Variants in GRB14 observed in about 807,000 individuals in gnomAD.
The protein encoded by GRB14 is growth factor receptor bound protein 14.
In GRB14, 38 loss-of-function variants were observed where a neutral mutation model predicts 69.1. The observed-to-expected ratio is 0.55, with a 90% CI of 0.42 to 0.72. The LOEUF (loss-of-function observed/expected upper bound fraction) is 0.72. GRB14 is among the 30% of genes least tolerant of loss of function. The pLI, the probability that GRB14 is intolerant of heterozygous loss-of-function variation, is 0.00. For synonymous variants in GRB14, 247 were observed against 241.3 expected, an observed-to-expected ratio of 1.02 and a Z score of -0.22; for missense variants, 666 against 666.1, an observed-to-expected ratio of 1.00 and a Z score of 0.00.
At chr2:164,585,536 C>T (rs1241230782) in intron 2 of GRB14, among the ~76,000 whole-genome samples, 1 of 152,042 alleles carries the variant, frequency 6.6e-6, no homozygotes, top group Non-Finnish European at 1.5e-5. Context: ...TGTGGAAACC[C>T]ATACTTGAAA....
intron 2 of GRB14, among the ~76,000 whole-genome samples, chr2:164,598,948 C>T (rs955544822): frequency 1.3e-5 from 2 of 152,164 alleles, no homozygotes; most frequent in African/African-American, 2.4e-5. Flanking sequence ...ATAACGCTTA[C>T]GTTACATCTC....
intron 2 of GRB14, among the ~76,000 whole-genome samples, chr2:164,599,221 A>G (rs911227531): frequency 1.1e-4 from 17 of 152,202 alleles, no homozygotes; most frequent in African/African-American, 3.9e-4. Flanking sequence ...AGGGTTCCCA[A>G]AGAGAGTATT....
chr2:164,532,719 T>C (rs560906267), intron 3 of GRB14, among the ~76,000 whole-genome samples: 22 of 152,304 alleles, frequency 1.4e-4, no homozygotes, highest in Admixed American at 1.2e-3. Context: ...TTGGAAAGAA[T>C]GTGACTCTCC....
intron 2 of GRB14, chr2:164,574,140 A>G: frequency 1.5e-6 from 1 of 652,296 alleles, no homozygotes; most frequent in South Asian, 1.9e-5. Context: ...TAAATGACAT[A>G]GAGTCAGTCT....
intron 2 of GRB14, among the ~76,000 whole-genome samples, chr2:164,563,737 C>A (rs1346866981): frequency 1.3e-5 from 2 of 152,198 alleles, no homozygotes; most frequent in African/African-American, 4.8e-5. Context: ...CCTCCTTAAT[C>A]CACAGTCCTT....
intron 3 of GRB14, among the ~76,000 whole-genome samples, chr2:164,531,045 G>A (rs753433775): frequency 2.0e-4 from 30 of 152,058 alleles, no homozygotes; most frequent in Non-Finnish European, 3.8e-4. Flanking sequence ...TTGAAGGTAG[G>A]GACAACAGAA....
rs1287163140 is a variant in GRB14, at chr2:164,568,406, C to T, written c.325-20590G>A. 1.2e-5 allele frequency: 15 copies of T among 1,275,858 alleles called. No homozygotes were observed. In the East Asian group the frequency reaches 6.2e-4, roughly 53 times the overall value. The allele number at this position is 1,275,858 out of a possible 1,614,324, so 79.0% of individuals were successfully genotyped here. On this transcript the variant is annotated intron_variant, in intron 2 of 13. Transcript: ENST00000263915. Reference sequence around the variant, plus strand: ...TGCTCTTCTTAGAATGATCCTGTCTCGTAGGTCATGGACAAAATAAAAGAA... The same window carrying T: ...TGCTCTTCTTAGAATGATCCTGTCTTGTAGGTCATGGACAAAATAAAAGAA...
chr2:164,507,767 A>G lies in GRB14; in HGVS notation c.1023+688T>C, dbSNP rs1687231227. On this transcript the variant is annotated intron_variant, in intron 8 of 13. Coordinates refer to ENST00000263915, the MANE Select transcript of GRB14 (RefSeq NM_004490.3). ...TTAAAAGGAAATAGTTGATAAGTAT[A>G]CAGTTTAAGTTTTGCTCAATTTTCT... 4.3e-5 allele frequency among the ~76,000 whole-genome samples: 5 copies of G among 117,556 alleles called. No homozygotes were observed. The Admixed American group carries it at 4.4e-4, about 10-fold the overall frequency. The allele number at this position is 117,556 out of a possible 152,430, so 77.1% of individuals were successfully genotyped here.
At chr2:164,493,447 A>C (rs946828347) in intron 13 of GRB14, among the ~76,000 whole-genome samples, 1 of 152,188 alleles carries the variant, frequency 6.6e-6, no homozygotes, top group Non-Finnish European at 1.5e-5. Context: ...GACAGTATGA[A>C]TATTTTGAAT....
intron 3 of GRB14, 140 bp from the exon 4 acceptor site, chr2:164,527,275 T>A (rs999612770): frequency 1.8e-5 from 4 of 221,830 alleles, no homozygotes; most frequent in Non-Finnish European, 3.3e-5. Flanking sequence ...TTGTTAAACA[T>A]AGCAGATTTC....
intron 2 of GRB14, among the ~76,000 whole-genome samples, chr2:164,571,952 G>A (rs906445731): frequency 1.3e-5 from 2 of 152,058 alleles, no homozygotes; most frequent in Non-Finnish European, 2.9e-5. Flanking sequence ...TGTTCCTGAC[G>A]TACCCAAGCA....
At chr2:164,608,584 A>G (rs62173876) in intron 2 of GRB14, among the ~76,000 whole-genome samples, 2 of 140,746 alleles carry the variant, frequency 1.4e-5, no homozygotes, top group Non-Finnish European at 3.1e-5. Flanking sequence ...GGACAAATGG[A>G]AAAAAAGAAA....
intron 2 of GRB14, among the ~76,000 whole-genome samples, chr2:164,558,003 A>G (rs1688722653): frequency 6.6e-6 from 1 of 152,128 alleles, no homozygotes; most frequent in Non-Finnish European, 1.5e-5. Flanking sequence ...CTTGGCACAG[A>G]AGGGAAGTTA....
intron 6 of GRB14, among the ~76,000 whole-genome samples, chr2:164,516,149 A>G (rs1687479878): frequency 6.6e-6 from 1 of 152,122 alleles, no homozygotes; most frequent in African/African-American, 2.4e-5. Flanking sequence ...TATTTGAGGG[A>G]ATCATCAAAG....
intron 2 of GRB14, among the ~76,000 whole-genome samples, chr2:164,594,356 T>C (rs1378858488): frequency 6.6e-6 from 1 of 152,226 alleles, no homozygotes; most frequent in Admixed American, 6.5e-5. Flanking sequence ...ATTTGATGCA[T>C]CCACATGGCT....
chr2:164,498,053 G>T (rs1686951502), intron 9 of GRB14, among the ~76,000 whole-genome samples: 1 of 151,992 alleles, frequency 6.6e-6, no homozygotes, highest in African/African-American at 2.4e-5. Flanking sequence ...TTTTATAATG[G>T]AGCAAACTAG....
At chr2:164,596,995 G>A (rs755167863) in intron 2 of GRB14, among the ~76,000 whole-genome samples, 6 of 152,182 alleles carry the variant, frequency 3.9e-5, no homozygotes, top group Non-Finnish European at 8.8e-5. Flanking sequence ...TCTAAGGAAC[G>A]GAAGGATTAA....
chr2:164,520,089 C>T (rs1421219566), intron 6 of GRB14, among the ~76,000 whole-genome samples: 1 of 152,132 alleles, frequency 6.6e-6, no homozygotes, highest in East Asian at 1.9e-4. Context: ...AACCTGGAGG[C>T]ATCACATTAC....
chr2:164,535,294 AAAAAG>A (rs1264425785), intron 3 of GRB14, among the ~76,000 whole-genome samples: 1 of 152,172 alleles, frequency 6.6e-6, no homozygotes, highest in African/African-American at 2.4e-5. Context: ...TTAAAAAAAG[AAAAAG>A]AAAAGAAAAA....
Sources: gnomAD v4.1 joint callset for allele counts (sites outside exome capture counted in the v4.1 genomes callset) on GRCh38, gnomAD v4.1.1 for gene constraint, MANE v1.5 for transcripts, NCBI Gene and HGNC (gene_info 2026-07-23, HGNC 2026-07-21) for gene names.